The following PARP4 variants were observed in gnomAD, a reference collection of about 807,000 sequenced individuals.
PARP4 encodes protein mono-ADP-ribosyltransferase PARP4.
PARP4 carries 120 observed loss-of-function variants against 187.7 expected under a neutral mutation model. The observed-to-expected ratio is 0.64, with a 90% CI of 0.55 to 0.74. The LOEUF (loss-of-function observed/expected upper bound fraction) is 0.74. PARP4 is among the 30% of genes least tolerant of loss of function. The pLI, the probability that PARP4 is intolerant of heterozygous loss-of-function variation, is 0.00. For synonymous variants in PARP4, 654 were observed against 740.9 expected, an observed-to-expected ratio of 0.88 and a Z score of 1.90; for missense variants, 1,836 against 2,070.5, an observed-to-expected ratio of 0.89 and a Z score of 2.20.
intron 30 of PARP4, among the ~76,000 whole-genome samples, chr13:24,438,389 T>C (rs1052942913): frequency 2.0e-5 from 3 of 152,198 alleles, no homozygotes; most frequent in African/African-American, 7.2e-5. Context: ...CACCTCCTGC[T>C]GTGCAGCCTG....
At chr13:24,439,413 G>A (rs768201958) in intron 30 of PARP4, among the ~76,000 whole-genome samples, 2 of 151,988 alleles carry the variant, frequency 1.3e-5, no homozygotes, top group Admixed American at 6.6e-5. Flanking sequence ...CAGACACAAA[G>A]AAGAAAATAA....
At chr13:24,460,781 C>A (rs1872180841) in intron 17 of PARP4, among the ~76,000 whole-genome samples, 1 of 152,118 alleles carries the variant, frequency 6.6e-6, no homozygotes. Flanking sequence ...CTTGAAACCC[C>A]AGGTCTAAGC....
At chr13:24,507,105 G>A (rs1428028863) in intron 1 of PARP4, among the ~76,000 whole-genome samples, 4 of 152,202 alleles carry the variant, frequency 2.6e-5, no homozygotes, top group East Asian at 1.9e-4. Flanking sequence ...CTCAGAGTGC[G>A]GGGACCGCCC....
intron 1 of PARP4, among the ~76,000 whole-genome samples, chr13:24,505,541 AC>A (rs144873859): frequency 2.6e-5 from 4 of 151,866 alleles, no homozygotes; most frequent in Admixed American, 6.6e-5. Flanking sequence ...CACCGCCTAA[AC>A]CCCCCAGAAA....
At chr13:24,430,985 CAT>C (rs1870305083) in intron 32 of PARP4, among the ~76,000 whole-genome samples, 1 of 152,120 alleles carries the variant, frequency 6.6e-6, no homozygotes, top group Non-Finnish European at 1.5e-5. Context: ...ATTTTAAAGA[CAT>C]ATATTGAAGA....
At chr13:24,510,479 G>A (rs911369459) in intron 1 of PARP4, among the ~76,000 whole-genome samples, 4 of 147,786 alleles carry the variant, frequency 2.7e-5, no homozygotes, top group Non-Finnish European at 5.9e-5. Flanking sequence ...GCGTGAACCC[G>A]GGAGGCGGAG....
intron 10 of PARP4, among the ~76,000 whole-genome samples, chr13:24,488,590 G>C (rs563619269): frequency 1.3e-5 from 2 of 152,264 alleles, no homozygotes; most frequent in African/African-American, 4.8e-5. Flanking sequence ...CTGACCTCAA[G>C]TGATCTGCCC....
At chr13:24,459,226 T>A (rs554974743) in intron 19 of PARP4, 38 bp downstream of exon 19, 12 of 1,587,010 alleles carry the variant, frequency 7.6e-6, no homozygotes, top group Non-Finnish European at 9.4e-6. Context: ...AAAACCAATA[T>A]CCATTGAATT....
chr13:24,509,654 T>TA (rs1387914485), intron 1 of PARP4, among the ~76,000 whole-genome samples: 1 of 152,148 alleles, frequency 6.6e-6, no homozygotes, highest in Non-Finnish European at 1.5e-5. Flanking sequence ...AAGTTATTTT[T>TA]AAAAAAGCAC....
intron 17 of PARP4, among the ~76,000 whole-genome samples, chr13:24,467,802 G>C (rs1042907945): frequency 7.9e-5 from 12 of 152,150 alleles, no homozygotes; most frequent in African/African-American, 2.9e-4. Flanking sequence ...TAAGTATTAA[G>C]GAGGAAACAT....
chr13:24,487,759 C>T (rs1321141380), intron 10 of PARP4, among the ~76,000 whole-genome samples: 2 of 152,208 alleles, frequency 1.3e-5, no homozygotes, highest in East Asian at 3.9e-4. Flanking sequence ...CTTCCCAGAA[C>T]TCAGCAAATA....
chr13:24,446,042 T>C (rs1871191784), intron 27 of PARP4, among the ~76,000 whole-genome samples: 1 of 152,232 alleles, frequency 6.6e-6, no homozygotes, highest in Admixed American at 6.5e-5. Flanking sequence ...CATTTGCTTT[T>C]AATCAAAAAA....
At chr13:24,506,538 C>G (rs919890453) in intron 1 of PARP4, among the ~76,000 whole-genome samples, 1 of 152,192 alleles carries the variant, frequency 6.6e-6, no homozygotes, top group Non-Finnish European at 1.5e-5. Flanking sequence ...TGTTTACAAT[C>G]CCTGAGCTAG....
At chr13:24,456,809 A>C (rs927526348) in intron 20 of PARP4, among the ~76,000 whole-genome samples, 15 of 152,168 alleles carry the variant, frequency 9.9e-5, no homozygotes, top group African/African-American at 3.6e-4. Flanking sequence ...CTGAGGCAGG[A>C]GAATCGCTTG....
chr13:24,503,806 T>C (rs770319419), intron 1 of PARP4, 29 bp from the exon 2 acceptor site: 12 of 1,595,774 alleles, frequency 7.5e-6, no homozygotes, highest in Non-Finnish European at 1.7e-6. Context: ...TTAAGGACCC[T>C]CTCTTAAGTC....
chr13:24,449,089 C>T (rs1305363988), intron 25 of PARP4, among the ~76,000 whole-genome samples: 3 of 152,104 alleles, frequency 2.0e-5, no homozygotes, highest in Non-Finnish European at 4.4e-5. Context: ...AAATTGTACA[C>T]CTAAAAATGG....
rs1479119267 is a variant in PARP4 at position 24,492,304 on chromosome 13, T to C, written c.1053+117A>G. On this transcript the variant is annotated intron_variant, in intron 9 of 33. Transcript: ENST00000381989. The stretch of plus-strand genomic sequence containing the variant: ...TAAAATGGTTCAACAATTTATTTTC[T>C]AGTACAACTCTGGAGACAATTTCAT... 7 of 663,314 alleles carry C rather than the reference T, an allele frequency of 1.1e-5. No individual in the cohort carries two copies. The Admixed American group carries it at 2.0e-4, about 19-fold the overall frequency. The allele number at this position is 663,314 out of a possible 1,614,324, so 41.1% of individuals were successfully genotyped here. A position where few individuals can be genotyped will look rare whatever the true frequency, so the allele number is the denominator to read the frequency against.
At position 24,491,685 on chromosome 13, in the gene PARP4, G is replaced by C. The variant is rs1269351375; in HGVS notation, c.1053+736C>G. Among the ~76,000 whole-genome samples the C allele has an allele frequency of 2.0e-5, 3 of 152,178 alleles. No homozygotes were observed. In the East Asian group the frequency reaches 5.8e-4, roughly 29 times the overall value. On this transcript the variant is annotated intron_variant, in intron 9 of 33. Coordinates refer to ENST00000381989, the MANE Select transcript of PARP4 (RefSeq NM_006437.4). ...AGAGAGTGACTTCAGCCTAGTCTAA[G>C]GCAGGGTTGGCTGCTGTGGCTGCCT...
chr13:24,499,096 C>T (rs150248104), intron 5 of PARP4, among the ~76,000 whole-genome samples: 1,781 of 151,842 alleles, frequency 0.012, 40 homozygotes, highest in African/African-American at 0.04. Context: ...CCCAGGAGTT[C>T]GAGACCAGCA....
Sources: allele counts gnomAD v4.1 joint callset (sites outside exome capture counted in the v4.1 genomes callset), GRCh38; gene constraint gnomAD v4.1.1; transcripts MANE v1.5; gene names NCBI Gene and HGNC (gene_info 2026-07-23, HGNC 2026-07-21).